The following DPP10 variants were observed in gnomAD, a reference collection of about 807,000 sequenced individuals.
DPP10 encodes the protein inactive dipeptidyl peptidase 10.
A neutral mutation model predicts 120.9 loss-of-function variants in DPP10; 33 were observed. The observed-to-expected ratio is 0.27, with a 90% CI of 0.21 to 0.37. The LOEUF (loss-of-function observed/expected upper bound fraction) is 0.37. Among genes scored for constraint, DPP10 ranks in the 10% least tolerant of loss-of-function variants. DPP10 has a pLI of 1.00. For missense variants in DPP10, 816 were observed against 942.8 expected, an observed-to-expected ratio of 0.87 and a Z score of 1.76; for synonymous variants, 337 against 326.1, an observed-to-expected ratio of 1.03 and a Z score of -0.36.
chr2:115,220,393 C>G (rs561797214), intron 1 of DPP10, among the ~76,000 whole-genome samples: 2 of 92,972 alleles, frequency 2.2e-5, no homozygotes, highest in African/African-American at 4.3e-5. Context: ...ACGAAAGATA[C>G]CTTGAGTTTA....
intron 7 of DPP10, among the ~76,000 whole-genome samples, chr2:115,696,730 A>G (rs1013787210): frequency 1.3e-5 from 2 of 152,224 alleles, no homozygotes; most frequent in Non-Finnish European, 1.5e-5. Context: ...TATTGTTACA[A>G]TGATTTGTAA....
intron 1 of DPP10, among the ~76,000 whole-genome samples, chr2:114,761,360 A>C (rs979127335): frequency 2.0e-5 from 3 of 152,202 alleles, no homozygotes; most frequent in Non-Finnish European, 4.4e-5. Context: ...TCTTATGAGC[A>C]AAAGCATTTA....
chr2:115,663,521 C>A (rs948767935), intron 5 of DPP10, among the ~76,000 whole-genome samples: 13 of 152,214 alleles, frequency 8.5e-5, no homozygotes, highest in Admixed American at 1.3e-4. Flanking sequence ...GCACTTATGT[C>A]CATAGGCGAA....
intron 16 of DPP10, 96 bp downstream of exon 16, chr2:115,781,091 T>TA: frequency 9.7e-7 from 1 of 1,035,688 alleles, no homozygotes; most frequent in South Asian, 2.5e-5. Context: ...GATGATTTCA[T>TA]AATCTTAATT....
chr2:114,550,305 C>T (rs985121794), intron 1 of DPP10, among the ~76,000 whole-genome samples: 6 of 152,206 alleles, frequency 3.9e-5, no homozygotes, highest in Non-Finnish European at 8.8e-5. Flanking sequence ...TCCAGTTGCA[C>T]CACATTACAT....
chr2:115,565,745 T>C (rs1306043516), intron 5 of DPP10, among the ~76,000 whole-genome samples: 1 of 109,352 alleles, frequency 9.1e-6, no homozygotes, highest in Admixed American at 1.0e-4. Context: ...GTAGAGGTTA[T>C]GGGTTTTTTT....
intron 1 of DPP10, among the ~76,000 whole-genome samples, chr2:114,851,792 G>A (rs935076009): frequency 6.6e-6 from 1 of 152,106 alleles, no homozygotes; most frequent in Non-Finnish European, 1.5e-5. Flanking sequence ...TCCAGAATAC[G>A]CATGTCTGTC....
At chr2:115,212,778 A>G (rs2056599539) in intron 1 of DPP10, among the ~76,000 whole-genome samples, 1 of 152,174 alleles carries the variant, frequency 6.6e-6, no homozygotes, top group Admixed American at 6.6e-5. Context: ...GTACATATAC[A>G]TATTGGGGCA....
At chr2:115,438,624 A>G (rs2071727073) in intron 3 of DPP10, among the ~76,000 whole-genome samples, 1 of 152,234 alleles carries the variant, frequency 6.6e-6, no homozygotes, top group Non-Finnish European at 1.5e-5. Flanking sequence ...TCATTATGCT[A>G]AGTGAAATAA....
intron 5 of DPP10, among the ~76,000 whole-genome samples, chr2:115,642,573 CT>C (rs1487818550): frequency 6.6e-6 from 1 of 151,908 alleles, no homozygotes; most frequent in Non-Finnish European, 1.5e-5. Flanking sequence ...ATTTCCCAAT[CT>C]TCCTCTCTCT....
intron 17 of DPP10, among the ~76,000 whole-genome samples, chr2:115,783,230 A>G (rs762480584): frequency 4.6e-5 from 7 of 152,116 alleles, no homozygotes; most frequent in Non-Finnish European, 8.8e-5. Flanking sequence ...CCCTTTTTAC[A>G]GGTGAGAAAA....
chr2:114,982,379 T>C (rs185603732), intron 1 of DPP10, among the ~76,000 whole-genome samples: 1 of 152,240 alleles, frequency 6.6e-6, no homozygotes, highest in African/African-American at 2.4e-5. Context: ...AACAAATATT[T>C]TATAATGATC....
At chr2:114,677,706 G>A (rs746927571) in intron 1 of DPP10, among the ~76,000 whole-genome samples, 8 of 151,984 alleles carry the variant, frequency 5.3e-5, no homozygotes, top group Admixed American at 4.6e-4. Flanking sequence ...GGAATATAGT[G>A]TTTGTTTCTC....
At chr2:115,066,827 A>G (rs1450558162) in intron 1 of DPP10, 2 of 152,314 alleles carry the variant, frequency 1.3e-5, no homozygotes, top group African/African-American at 2.4e-5. Flanking sequence ...TCAGCATACA[A>G]TGTGATGTTT....
intron 1 of DPP10, among the ~76,000 whole-genome samples, chr2:114,524,564 T>C (rs916190474): frequency 3.9e-5 from 6 of 152,202 alleles, no homozygotes; most frequent in Non-Finnish European, 8.8e-5. Flanking sequence ...ATATATCAAG[T>C]GCTGTCTTAC....
intron 1 of DPP10, among the ~76,000 whole-genome samples, chr2:114,638,805 T>A (rs1573856569): frequency 6.6e-6 from 1 of 151,798 alleles, no homozygotes; most frequent in East Asian, 1.9e-4. Flanking sequence ...CAAAATAACA[T>A]AAATTTTTGT....
At chr2:114,792,990 TTGTGTGTGTG>T (rs55780807) in intron 1 of DPP10, among the ~76,000 whole-genome samples, 245 of 143,726 alleles carry the variant, frequency 1.7e-3, no homozygotes, top group East Asian at 0.016. Context: ...AACTGTATTA[TTGTGTGTGTG>T]TGTGTGTGTG....
At chr2:114,880,395 T>C (rs776347378) in intron 1 of DPP10, among the ~76,000 whole-genome samples, 28 of 152,164 alleles carry the variant, frequency 1.8e-4, no homozygotes, top group Non-Finnish European at 3.4e-4. Context: ...ACAAAGCAGG[T>C]TGCAGCATGC....
intron 1 of DPP10, among the ~76,000 whole-genome samples, chr2:114,492,268 T>A (rs768612376): frequency 6.6e-6 from 1 of 152,190 alleles, no homozygotes; most frequent in Non-Finnish European, 1.5e-5. Context: ...ACATATTGTA[T>A]AATTTTATTC....
Sources: gnomAD v4.1 joint callset for allele counts (sites outside exome capture counted in the v4.1 genomes callset) on GRCh38, gnomAD v4.1.1 for gene constraint, MANE v1.5 for transcripts, NCBI Gene and HGNC (gene_info 2026-07-23, HGNC 2026-07-21) for gene names.